ZNF440: variants seen among roughly 807,000 people sequenced by gnomAD.
ZNF440 encodes the protein zinc finger protein 440.
ZNF440 carries 47 observed loss-of-function variants against 49.7 expected under a neutral mutation model. That is an observed-to-expected ratio of 0.95 (90% CI 0.75 to 1.21). ZNF440 has a LOEUF of 1.21. Ranked by LOEUF, ZNF440 falls within the 50% of genes most tolerant of loss-of-function variation. ZNF440 has a pLI of 0.00. For missense variants in ZNF440, 703 were observed against 715.0 expected, an observed-to-expected ratio of 0.98 and a Z score of 0.19; for synonymous variants, 255 against 237.7, an observed-to-expected ratio of 1.07 and a Z score of -0.67.
At chr19:11,829,608 G>A (rs1003938948) in intron 1 of ZNF440, among the ~76,000 whole-genome samples, 2 of 152,016 alleles carry the variant, frequency 1.3e-5, no homozygotes, top group Admixed American at 6.6e-5. Context: ...TTTCTCCCTG[G>A]GTTCGGTAAA....
intron 1 of ZNF440, among the ~76,000 whole-genome samples, chr19:11,823,115 A>C (rs963872271): frequency 2.0e-5 from 3 of 152,044 alleles, no homozygotes; most frequent in African/African-American, 7.2e-5. Context: ...GTGTCTGGTA[A>C]GGGCCCACTT....
Position 11,831,698 on chromosome 19 carries a change from T to A in ZNF440, c.522T>A (p.Cys174Ter). ...RDHTGEKPNACKVCGKTFISH... is the reference protein window; with the variant it reads ...RDHTGEKPNA ...ACACTGGAGAGAAACCCAATGCTTG[T>A]AAAGTATGTGGAAAAACCTTTATTT... Residue 174 changes from cysteine (C) to a stop codon, truncating the protein, a stop_gained, in exon 4 of 4, where the codon TGT becomes TGA. Transcript: ENST00000304060. LOFTEE classifies it high-confidence loss of function. 1 of 1,614,116 alleles carries A rather than the reference T, an allele frequency of 6.2e-7. No homozygotes were observed. The highest frequency in any genetic ancestry group is 8.5e-7 in the Non-Finnish European group (1 of 1,180,006).
intron 1 of ZNF440, among the ~76,000 whole-genome samples, chr19:11,824,984 G>A (rs1218955789): frequency 1.3e-5 from 2 of 151,786 alleles, no homozygotes; most frequent in Non-Finnish European, 2.9e-5. Flanking sequence ...TGGGATTACA[G>A]GCGTGAGCCA....
chr19:11,821,507 G>A (rs1045467378), intron 1 of ZNF440, among the ~76,000 whole-genome samples: 10 of 152,102 alleles, frequency 6.6e-5, no homozygotes, highest in Non-Finnish European at 1.0e-4. Flanking sequence ...TGTGAAGGGA[G>A]ACAAAACCCC....
At chr19:11,822,052 G>C (rs1361846621) in intron 1 of ZNF440, among the ~76,000 whole-genome samples, 2 of 152,242 alleles carry the variant, frequency 1.3e-5, no homozygotes, top group East Asian at 3.8e-4. Flanking sequence ...CCAAGGAGGT[G>C]TCTCTTGGGG....
At position 11,832,399 on chromosome 19, in the gene ZNF440, C is replaced by G; in HGVS notation, c.1223C>G (p.Ala408Gly). Residue 408 changes from alanine to glycine, a missense_variant, in exon 4 of 4, where the codon GCC becomes GGC. Ala to Gly is a moderately conservative substitution (Grantham distance 60). Coordinates refer to ENST00000304060, the MANE Select transcript of ZNF440 (RefSeq NM_152357.3). ...CKQCGKAFRS[A>G]SHLRVHGRTH... ...CAATGTGGGAAAGCCTTCAGATCTG[C>G]CTCACACCTTCGAGTGCATGGTAGG... is the stretch of plus-strand genomic sequence containing the variant. 6.2e-7 allele frequency: 1 copy of G among 1,609,286 alleles called. No individual in the cohort carries two copies. Among genetic ancestry groups the G allele is most frequent in the East Asian group, 2.2e-5 (1 of 44,546 alleles).
At position 11,814,301 on chromosome 19, in the gene ZNF440, C is replaced by T. The variant is rs1483491021; in HGVS notation, c.-147C>T. Reference sequence around the variant, plus strand: ...CTCCGTCCATTCCTTTAGTGCTGCGCCGACAGCGGTCAGGATCTCGGCTTT... The same window carrying T: ...CTCCGTCCATTCCTTTAGTGCTGCGTCGACAGCGGTCAGGATCTCGGCTTT... On this transcript the variant is annotated 5_prime_UTR_variant, in exon 1 of 4. Coordinates refer to ENST00000304060, the MANE Select transcript of ZNF440 (RefSeq NM_152357.3). The T allele has an allele frequency of 1.3e-5, 11 of 830,918 alleles. No individual in the cohort carries two copies. Among genetic ancestry groups the T allele is most frequent in the Non-Finnish European group, 1.7e-5 (10 of 581,848 alleles). The allele number at this position is 830,918 out of a possible 1,614,324, so 51.5% of individuals were successfully genotyped here. A position where few individuals can be genotyped will look rare whatever the true frequency, so the allele number is the denominator to read the frequency against.
chr19:11,817,315 G>A (rs1975743695), intron 1 of ZNF440: 1 of 152,236 alleles, frequency 6.6e-6, no homozygotes, highest in Non-Finnish European at 1.5e-5. Flanking sequence ...AGCTACTCTG[G>A]GCCAGCATGA....
In ZNF440 at chr19:11,832,214, A is replaced by C; in HGVS notation, c.1038A>C (p.Gly346=). 1.2e-6 allele frequency: 2 copies of C among 1,614,140 alleles called. No individual in the cohort carries two copies. Among genetic ancestry groups the C allele is most frequent in the Non-Finnish European group, 1.7e-6 (2 of 1,180,020 alleles). The change falls in exon 4 of 4, where the codon GGA becomes GGC. Residue 346 remains glycine (G), a synonymous_variant. Transcript: ENST00000304060. ...GACCTTATGAATGTAAGATATGTGG[A>C]AAAGACTTTTGTTCTGTGAATTCAT... ...GERPYECKIC[G]KDFCSVNSFQ...
At position 11,832,440 on chromosome 19, in the gene ZNF440, AAACC is replaced by A; in HGVS notation, c.1265_1268del (p.Lys422SerfsTer14). 2 of 1,613,774 alleles carry A rather than the reference AAACC, an allele frequency of 1.2e-6. No homozygotes were observed. The highest frequency in any genetic ancestry group is 8.5e-7 in the Non-Finnish European group (1 of 1,179,900). ...GCATGGTAGGACTCACACTGGAGAGAAACCGTATGAATGTAAGGAATGTGGGAAA... is the reference window on the plus strand; with the variant it reads ...GCATGGTAGGACTCACACTGGAGAGAGTATGAATGTAAGGAATGTGGGAAA... On this transcript the variant is annotated frameshift_variant, in exon 4 of 4. Transcript: ENST00000304060. LOFTEE classifies it high-confidence loss of function.
chr19:11,834,228 G>T lies in ZNF440; in HGVS notation c.*1264G>T. ...TGCAACCTCTGCCTCCAGGGTTCAA[G>T]CAATTCTCCTGCCTCAGTCTCCTGA... is the stretch of plus-strand genomic sequence containing the variant. On this transcript the variant is annotated 3_prime_UTR_variant, in exon 4 of 4. Coordinates refer to ENST00000304060, the MANE Select transcript of ZNF440 (RefSeq NM_152357.3). The T allele has an allele frequency of 4.8e-6, 1 of 207,752 alleles. No homozygotes were observed. Among genetic ancestry groups the T allele is most frequent in the Non-Finnish European group, 9.9e-6 (1 of 101,004 alleles). 12.9% of individuals were successfully genotyped at this position (207,752 alleles called of 1,614,324 possible).
chr19:11,830,108 A>AT (rs972442508), intron 1 of ZNF440, 175 bp from the exon 2 acceptor site: 8 of 1,357,184 alleles, frequency 5.9e-6, no homozygotes, highest in Non-Finnish European at 6.9e-6. Flanking sequence ...GAAAAAAAAA[A>AT]CAAGTTGCTT....
chr19:11,833,328 G>A lies in ZNF440; in HGVS notation c.*364G>A. On this transcript the variant is annotated 3_prime_UTR_variant, in exon 4 of 4. Transcript: ENST00000304060. ...CACAGAGGAGAGAAGCTCTGTGAATGTAAGCATTGTGGGAAAGCATTCATA... is the reference window on the plus strand; with the variant it reads ...CACAGAGGAGAGAAGCTCTGTGAATATAAGCATTGTGGGAAAGCATTCATA... 2.0e-6 allele frequency: 1 copy of A among 509,916 alleles called. No homozygotes were observed. Among genetic ancestry groups the A allele is most frequent in the Non-Finnish European group, 3.6e-6 (1 of 276,922 alleles). The allele number at this position is 509,916 out of a possible 1,614,324, so 31.6% of individuals were successfully genotyped here. A position where few individuals can be genotyped will look rare whatever the true frequency, so the allele number is the denominator to read the frequency against.
intron 1 of ZNF440, among the ~76,000 whole-genome samples, chr19:11,814,815 T>C (rs1896725148): frequency 6.6e-6 from 1 of 152,146 alleles, no homozygotes; most frequent in Admixed American, 6.5e-5. Context: ...AAAGCAAATT[T>C]ATTTCTACAC....
At chr19:11,824,493 A>G (rs1173719809) in intron 1 of ZNF440, among the ~76,000 whole-genome samples, 3 of 152,068 alleles carry the variant, frequency 2.0e-5, no homozygotes, top group Non-Finnish European at 4.4e-5. Context: ...TTATTTTTGC[A>G]TGTTTTTTAT....
At position 11,832,498 on chromosome 19, in the gene ZNF440, G is replaced by A; in HGVS notation, c.1322G>A (p.Ser441Asn). 8 of 1,612,516 alleles carry A rather than the reference G, an allele frequency of 5.0e-6. No homozygotes were observed. Among genetic ancestry groups the A allele is most frequent in the Non-Finnish European group, 6.8e-6 (8 of 1,179,674 alleles). ...KAFRYVNNLQ[S>N]HERTQTHIRI... is the part of the protein sequence containing the mutation. ...TTCAGATATGTGAATAACCTTCAAA[G>A]TCATGAAAGGACACAAACACACATA... The change falls in exon 4 of 4, where the codon AGT becomes AAT. Residue 441 changes from serine to asparagine, a missense_variant. Ser to Asn is a conservative substitution (Grantham distance 46). Coordinates refer to ENST00000304060, the MANE Select transcript of ZNF440 (RefSeq NM_152357.3).
chr19:11,823,557 CAT>C (rs1975824671), intron 1 of ZNF440, among the ~76,000 whole-genome samples: 4 of 152,248 alleles, frequency 2.6e-5, no homozygotes, highest in Admixed American at 2.6e-4. Flanking sequence ...GGACACATGA[CAT>C]TTTTTCATTT....
chr19:11,817,834 A>G (rs752513598), intron 1 of ZNF440, among the ~76,000 whole-genome samples: 22 of 152,208 alleles, frequency 1.4e-4, no homozygotes, highest in Admixed American at 4.6e-4. Context: ...GTGGGCTGAC[A>G]GCGTCACAAA....
intron 1 of ZNF440, among the ~76,000 whole-genome samples, chr19:11,821,633 G>A (rs868724244): frequency 2.6e-4 from 39 of 152,238 alleles, no homozygotes; most frequent in African/African-American, 8.7e-4. Context: ...TGAGCGCTTC[G>A]GTGAGCAGGA....
Sources: allele counts gnomAD v4.1 joint callset (sites outside exome capture counted in the v4.1 genomes callset), GRCh38; gene constraint gnomAD v4.1.1; transcripts MANE v1.5; gene names NCBI Gene and HGNC (gene_info 2026-07-23, HGNC 2026-07-21).